The following ALDH1L2 variants were observed in gnomAD, a reference collection of about 807,000 sequenced individuals.
ALDH1L2 encodes the protein aldehyde dehydrogenase 1 family member L2, also known as mitochondrial 10-formyltetrahydrofolate dehydrogenase.
In ALDH1L2, 91 loss-of-function variants were observed where a neutral mutation model predicts 111.0. The observed-to-expected ratio is 0.82, with a 90% CI of 0.69 to 0.98. ALDH1L2 has a LOEUF of 0.98. Ranked by LOEUF, ALDH1L2 falls within the 50% of genes least tolerant of loss-of-function variation. The pLI is 0.00. For missense variants in ALDH1L2, 995 were observed against 1,126.8 expected, an observed-to-expected ratio of 0.88 and a Z score of 1.67; for synonymous variants, 374 against 392.6, an observed-to-expected ratio of 0.95 and a Z score of 0.56.
At chr12:105,071,352 G>A (rs1336692790) in intron 2 of ALDH1L2, among the ~76,000 whole-genome samples, 1 of 151,824 alleles carries the variant, frequency 6.6e-6, no homozygotes, top group East Asian at 1.9e-4. Flanking sequence ...ATTAACAAAG[G>A]TGAGAGGCCA....
In ALDH1L2 at chr12:105,066,559, T is replaced by C; in HGVS notation, c.696+9A>G. The C allele has an allele frequency of 6.2e-7, 1 of 1,610,666 alleles. No individual in the cohort carries two copies. The highest frequency in any genetic ancestry group is 8.5e-7 in the Non-Finnish European group (1 of 1,176,996). ...TCTGAGACGTGTTATTGAGTTGATA[T>C]ATAAATACCTCAGCATTTTCCTTTT... On this transcript the variant is annotated intron_variant, in intron 5 of 22. Transcript: ENST00000258494.
intron 10 of ALDH1L2, among the ~76,000 whole-genome samples, 190 bp from the exon 11 acceptor site, chr12:105,053,121 G>A (rs1876399637): frequency 6.6e-6 from 1 of 152,208 alleles, no homozygotes; most frequent in South Asian, 2.1e-4. Context: ...GGGCAGGAGG[G>A]TAGAAGCTGT....
At chr12:105,025,843 T>C (rs542520875) in intron 22 of ALDH1L2, among the ~76,000 whole-genome samples, 7 of 152,326 alleles carry the variant, frequency 4.6e-5, no homozygotes, top group African/African-American at 1.7e-4. Context: ...TTGAGGCAAC[T>C]CACCCAGCCT....
In ALDH1L2 at chr12:105,061,697, T is replaced by C; in HGVS notation, c.977A>G (p.Tyr326Cys). The C allele has an allele frequency of 1.2e-6, 2 of 1,614,174 alleles. No homozygotes were observed. Among genetic ancestry groups the C allele is most frequent in the South Asian group, 1.1e-5 (1 of 91,080 alleles). Residue 326 changes from tyrosine to cysteine, a missense_variant, in exon 8 of 23, where the codon TAC becomes TGC. Physicochemically the swap from Tyr to Cys is radical, Grantham distance 194. Transcript: ENST00000258494. ...EDGKMIPASQ[Y>C]FSTGETSVVE... ...CACTGACGTCTCACCCGTTGAAAAG[T>C]ACTGAGAGGCAGGGATCATTTTTCC...
At chr12:105,042,080 AACAC>A (rs57015503) in intron 15 of ALDH1L2, among the ~76,000 whole-genome samples, 1 of 151,422 alleles carries the variant, frequency 6.6e-6, no homozygotes, top group South Asian at 2.1e-4. Flanking sequence ...ATGTATACAC[AACAC>A]ACACACACAC....
chr12:105,034,235 A>G, intron 19 of ALDH1L2, 65 bp downstream of exon 19: 2 of 1,433,742 alleles, frequency 1.4e-6, no homozygotes, highest in Non-Finnish European at 2.0e-6. Context: ...CAATCCTAGA[A>G]GTAGGATTTT....
chr12:105,074,448 ACT>A (rs955829977), intron 1 of ALDH1L2, among the ~76,000 whole-genome samples: 2 of 122,096 alleles, frequency 1.6e-5, no homozygotes, highest in African/African-American at 7.1e-5. Flanking sequence ...ACAGAGCAAG[ACT>A]CTGTCTCCAA....
intron 12 of ALDH1L2, among the ~76,000 whole-genome samples, chr12:105,051,791 CT>C (rs199608356): frequency 1.6e-4 from 23 of 146,988 alleles, no homozygotes; most frequent in Non-Finnish European, 1.3e-4. Flanking sequence ...CTTTTTTTTC[CT>C]TTTTTTTTTT....
At position 105,023,604 on chromosome 12, in the gene ALDH1L2, G is replaced by A. The variant is rs930173029; in HGVS notation, c.*820C>T. 6.6e-6 allele frequency: 1 copy of A among 152,060 alleles called. No individual in the cohort carries two copies. Among genetic ancestry groups the A allele is most frequent in the Non-Finnish European group, 1.5e-5 (1 of 68,018 alleles). 9.4% of individuals were successfully genotyped at this position (152,060 alleles called of 1,614,324 possible). ...TACTGCAATGAATTCTCCTATTAAGGGTCCTGAGGAAGGCATTTACTATCC... is the reference window on the plus strand; with the variant it reads ...TACTGCAATGAATTCTCCTATTAAGAGTCCTGAGGAAGGCATTTACTATCC... On this transcript the variant is annotated 3_prime_UTR_variant, in exon 23 of 23. Coordinates refer to ENST00000258494, the MANE Select transcript of ALDH1L2 (RefSeq NM_001034173.4).
intron 2 of ALDH1L2, among the ~76,000 whole-genome samples, chr12:105,071,614 G>GTGTATATATATATATATA (rs1877694867): frequency 7.9e-5 from 2 of 25,264 alleles, no homozygotes; most frequent in African/African-American, 3.5e-4. Context: ...TATATAAGTA[G>GTGTATATATATATATATA]TATATATATA....
intron 11 of ALDH1L2, 90 bp from the exon 12 acceptor site, chr12:105,052,307 A>C: frequency 7.7e-7 from 1 of 1,295,656 alleles, no homozygotes; most frequent in Non-Finnish European, 1.0e-6. Context: ...AAAATAGAGT[A>C]TTACTGATTT....
intron 2 of ALDH1L2, among the ~76,000 whole-genome samples, chr12:105,071,209 C>T (rs1233336618): frequency 6.6e-6 from 1 of 152,194 alleles, no homozygotes; most frequent in African/African-American, 2.4e-5. Flanking sequence ...TGAAACTCTT[C>T]CCTCCCTATA....
rs964873155 is a variant in ALDH1L2 at position 105,057,945 on chromosome 12, T to C, written c.1287+128A>G. On this transcript the variant is annotated intron_variant, in intron 10 of 22. Transcript: ENST00000258494. ...AAGGGGAATTTTATGCCATCTGAAT[T>C]AGATCTCAGTAAAGCTGTTGTTTTT... is the stretch of plus-strand genomic sequence containing the variant. The C allele has an allele frequency of 1.2e-5, 14 of 1,154,428 alleles. No homozygotes were observed. The African/African-American group carries it at 2.2e-4, about 18-fold the overall frequency. The allele number at this position is 1,154,428 out of a possible 1,614,324, so 71.5% of individuals were successfully genotyped here.
At chr12:105,028,897 A>G (rs574157143) in intron 21 of ALDH1L2, among the ~76,000 whole-genome samples, 25 of 152,308 alleles carry the variant, frequency 1.6e-4, no homozygotes, top group Non-Finnish European at 3.1e-4. Context: ...GCAATGCTCT[A>G]TTGATGTCCC....
chr12:105,080,333 C>T (rs898062222), intron 1 of ALDH1L2, among the ~76,000 whole-genome samples: 9 of 152,010 alleles, frequency 5.9e-5, no homozygotes, highest in Non-Finnish European at 7.4e-5. Context: ...GTTGCATTTG[C>T]CTGATTACTA....
At chr12:105,077,187 C>T (rs917545034) in intron 1 of ALDH1L2, among the ~76,000 whole-genome samples, 1 of 152,122 alleles carries the variant, frequency 6.6e-6, no homozygotes, top group Non-Finnish European at 1.5e-5. Flanking sequence ...AGGTGTCTGT[C>T]GCATTAGTGA....
chr12:105,070,843 C>A (rs959595187), intron 2 of ALDH1L2, 39 bp from the exon 3 acceptor site: 2 of 1,529,350 alleles, frequency 1.3e-6, no homozygotes, highest in East Asian at 4.5e-5. Flanking sequence ...TAGAAGTTAG[C>A]CATAATTTTA....
At position 105,034,394 on chromosome 12, in the gene ALDH1L2, A is replaced by G. The variant is rs751799542; in HGVS notation, c.2150T>C (p.Met717Thr). The change falls in exon 19 of 23, where the codon ATG (methionine) becomes ACG (threonine). Residue 717 changes from methionine (M) to threonine (T), a missense_variant. By Grantham distance (81) the Met-to-Thr change is moderately conservative. Coordinates refer to ENST00000258494, the MANE Select transcript of ALDH1L2 (RefSeq NM_001034173.4). ...CELDKAVRMG[M>T]GAVFFNKGEN... ...TCCTTTGTTGAAAAATACTGCTCCC[A>G]TGCCCTTCAGTGGGAGAAGAGAAAA... The G allele has an allele frequency of 4.3e-6, 7 of 1,611,486 alleles. No homozygotes were observed. Among genetic ancestry groups the G allele is most frequent in the South Asian group, 1.1e-5 (1 of 90,268 alleles).
intron 15 of ALDH1L2, among the ~76,000 whole-genome samples, chr12:105,045,208 G>A (rs1027639371): frequency 1.3e-5 from 2 of 151,942 alleles, no homozygotes; most frequent in African/African-American, 4.8e-5. Flanking sequence ...CTCAGCCTCT[G>A]GAGTAGCTGG....
Sources: gnomAD v4.1 joint callset for allele counts (sites outside exome capture counted in the v4.1 genomes callset) on GRCh38, gnomAD v4.1.1 for gene constraint, MANE v1.5 for transcripts, NCBI Gene and HGNC (gene_info 2026-07-23, HGNC 2026-07-21) for gene names.